EEIG1: variants seen among roughly 807,000 people sequenced by gnomAD.
EEIG1 encodes the protein early estrogen-induced gene 1 protein.
At chr9:127,947,960 C>T in the EEIG1 span, 2 of 1,273,424 alleles carry the variant, frequency 1.6e-6, no homozygotes, top group African/African-American at 1.5e-5. Flanking sequence ...CAAACACCCT[C>T]CCACCATCAC....
At chr9:127,961,166 G>A in the EEIG1 span, among the ~76,000 whole-genome samples, 5 of 152,188 alleles carry the variant, frequency 3.3e-5, no homozygotes, top group South Asian at 2.1e-4. Context: ...CCCCATCTGC[G>A]TCCAGACCCT....
chr9:127,976,533 T>C, the EEIG1 span, among the ~76,000 whole-genome samples: 1 of 152,238 alleles, frequency 6.6e-6, no homozygotes, highest in South Asian at 2.1e-4. This position sits in a 1 kb window ranked among gnomAD's most constrained non-coding sequence, Gnocchi z 4.1. Flanking sequence ...AGAGGATTCA[T>C]GGAAATACCA....
the EEIG1 span, among the ~76,000 whole-genome samples, chr9:127,975,153 A>C: frequency 6.6e-6 from 1 of 152,216 alleles, no homozygotes; most frequent in Admixed American, 6.5e-5. Context: ...GTGAGGAAAG[A>C]CCCGGCCAGG....
the EEIG1 span, among the ~76,000 whole-genome samples, chr9:127,975,703 G>A: frequency 1.3e-5 from 2 of 152,106 alleles, no homozygotes; most frequent in Non-Finnish European, 2.9e-5. Context: ...AGGTAAGTCA[G>A]TGCCTCCCTT....
chr9:127,977,669 T>C, the EEIG1 span, among the ~76,000 whole-genome samples: 4 of 152,166 alleles, frequency 2.6e-5, no homozygotes, highest in Non-Finnish European at 5.9e-5. Context: ...ACAGATTATC[T>C]GTACTCTAGA....
chr9:127,953,771 A>C, the EEIG1 span: 13 of 1,613,808 alleles, frequency 8.1e-6, no homozygotes, highest in Admixed American at 1.3e-4. Context: ...CCTATAGCCC[A>C]GCCCAGCAGC....
chr9:127,952,914 G>C, the EEIG1 span, among the ~76,000 whole-genome samples: 1 of 152,152 alleles, frequency 6.6e-6, no homozygotes, highest in South Asian at 2.1e-4. Context: ...ACGGGGTTTT[G>C]TCGTATTGCC....
At chr9:127,953,543 A>G in the EEIG1 span, 1 of 1,608,728 alleles carries the variant, frequency 6.2e-7, no homozygotes, top group Non-Finnish European at 8.5e-7. Context: ...CCCCCATTCC[A>G]TCCCACTGCC....
chr9:127,967,259 T>C, the EEIG1 span, among the ~76,000 whole-genome samples: 14 of 152,076 alleles, frequency 9.2e-5, no homozygotes, highest in Non-Finnish European at 1.9e-4. Context: ...CTTCCAAAGA[T>C]GAGCGCTCCA....
the EEIG1 span, among the ~76,000 whole-genome samples, chr9:127,973,923 G>T: frequency 5.9e-5 from 9 of 152,206 alleles, no homozygotes; most frequent in Non-Finnish European, 8.8e-5. This position sits in a 1 kb window ranked among gnomAD's most constrained non-coding sequence, Gnocchi z 4.2. Context: ...TCAAGAGGCA[G>T]CTGTAAAGCC....
At chr9:127,951,866 G>A in the EEIG1 span, among the ~76,000 whole-genome samples, 47 of 150,042 alleles carry the variant, frequency 3.1e-4, no homozygotes, top group Admixed American at 3.0e-3. Flanking sequence ...GGGAGGGGAA[G>A]AAGCTTGCCC....
the EEIG1 span, among the ~76,000 whole-genome samples, chr9:127,969,382 A>C: frequency 6.6e-6 from 1 of 152,158 alleles, no homozygotes; most frequent in Non-Finnish European, 1.5e-5. Context: ...CAGAGGGAGG[A>C]ATATGGACCT....
At chr9:127,951,626 G>C in the EEIG1 span, among the ~76,000 whole-genome samples, 2 of 151,744 alleles carry the variant, frequency 1.3e-5, no homozygotes, top group African/African-American at 4.8e-5. Context: ...CCATCCTGGC[G>C]AACACGGTGA....
At chr9:127,980,276 G>C in the EEIG1 span, 2 of 1,018,554 alleles carry the variant, frequency 2.0e-6, no homozygotes, top group East Asian at 5.1e-5. Flanking sequence ...GCGGAGATCG[G>C]AGTCCGGGGC....
At chr9:127,976,174 C>T in the EEIG1 span, among the ~76,000 whole-genome samples, 1 of 152,330 alleles carries the variant, frequency 6.6e-6, no homozygotes, top group Middle Eastern at 3.4e-3. The surrounding 1 kb of genome is among the most constrained non-coding windows in gnomAD (Gnocchi z 4.1). Flanking sequence ...CAGCTGCTTC[C>T]GGCCCACTGC....
At chr9:127,972,385 T>C in the EEIG1 span, among the ~76,000 whole-genome samples, 1 of 152,154 alleles carries the variant, frequency 6.6e-6, no homozygotes, top group South Asian at 2.1e-4. The surrounding 1 kb of genome is among the most constrained non-coding windows in gnomAD (Gnocchi z 4.3). Flanking sequence ...CCAGCGGCCA[T>C]GCAGGGGCAC....
the EEIG1 span, chr9:127,944,496 C>T: frequency 2.8e-6 from 2 of 725,930 alleles, no homozygotes; most frequent in South Asian, 3.3e-5. Flanking sequence ...ATGACAGGCC[C>T]AGGGTCACAC....
chr9:127,972,866 A>G, the EEIG1 span, among the ~76,000 whole-genome samples: 1 of 152,220 alleles, frequency 6.6e-6, no homozygotes, highest in African/African-American at 2.4e-5. This position sits in a 1 kb window ranked among gnomAD's most constrained non-coding sequence, Gnocchi z 4.3. Context: ...AGCCCTATGC[A>G]GACACAGAAG....
At chr9:127,974,732 G>C in the EEIG1 span, among the ~76,000 whole-genome samples, 1 of 152,118 alleles carries the variant, frequency 6.6e-6, no homozygotes, top group Non-Finnish European at 1.5e-5. Context: ...TGCCCACCAA[G>C]CTCACTGCCC....
Sources: gnomAD v4.1 joint callset for allele counts (sites outside exome capture counted in the v4.1 genomes callset) on GRCh38, gnomAD v4.1.1 for gene constraint, Gnocchi (gnomAD v3.1) non-coding constraint, MANE v1.5 for transcripts, NCBI Gene and HGNC (gene_info 2026-07-23, HGNC 2026-07-21) for gene names.